Variants in SUGCT observed in about 807,000 individuals in gnomAD.
The protein encoded by SUGCT is succinyl-CoA:glutarate CoA-transferase.
SUGCT carries 41 observed loss-of-function variants against 55.0 expected under a neutral mutation model. The ratio of observed to expected loss-of-function variants is 0.74; its 90% CI spans 0.58 to 0.97. The LOEUF (loss-of-function observed/expected upper bound fraction) is 0.97. SUGCT is among the 50% of genes least tolerant of loss of function. SUGCT has a pLI of 0.00. For synonymous variants in SUGCT, 187 were observed against 200.4 expected (o/e 0.93, Z 0.56); for missense variants, 568 against 547.8 (o/e 1.04, Z -0.37).
At chr7:40,306,383 G>A (rs1159515443) in intron 8 of SUGCT, among the ~76,000 whole-genome samples, 1 of 152,062 alleles carries the variant, frequency 6.6e-6, no homozygotes, top group East Asian at 1.9e-4. Context: ...GTCTCTTGTA[G>A]CATTGATCAT....
intron 12 of SUGCT, among the ~76,000 whole-genome samples, chr7:40,679,737 C>T (rs1465341944): frequency 6.6e-6 from 1 of 152,108 alleles, no homozygotes; most frequent in East Asian, 1.9e-4. Context: ...AGTCCTGAGT[C>T]CAAGGCTAAA....
chr7:40,356,533 C>A (rs1797894846), intron 9 of SUGCT, among the ~76,000 whole-genome samples: 1 of 152,324 alleles, frequency 6.6e-6, no homozygotes, highest in South Asian at 2.1e-4. Flanking sequence ...CTAGGACTAA[C>A]TGGCTAAGCC....
intron 12 of SUGCT, among the ~76,000 whole-genome samples, chr7:40,516,024 CTTCTT>C (rs1293259963): frequency 1.3e-5 from 2 of 151,424 alleles, no homozygotes; most frequent in Non-Finnish European, 2.9e-5. Flanking sequence ...TTTCTTCTTT[CTTCTT>C]TTCATTTCTT....
At chr7:40,943,646 AT>A in the SUGCT span, among the ~76,000 whole-genome samples, 1 of 150,228 alleles carries the variant, frequency 6.7e-6, no homozygotes, top group African/African-American at 2.5e-5. Flanking sequence ...TTCATGGTGT[AT>A]ATGTGCCACA....
chr7:40,241,364 A>C (rs1319735505), intron 7 of SUGCT, among the ~76,000 whole-genome samples: 3 of 151,354 alleles, frequency 2.0e-5, no homozygotes, highest in Non-Finnish European at 4.4e-5. Flanking sequence ...GGATCACTTA[A>C]GGTCAGGAGT....
chr7:40,429,091 G>A (rs1250207161), intron 9 of SUGCT, among the ~76,000 whole-genome samples: 6 of 150,218 alleles, frequency 4.0e-5, no homozygotes, highest in Non-Finnish European at 7.4e-5. Context: ...AGTGAAGCAA[G>A]TTAACATATC....
At chr7:40,719,152 ACC>A (rs1369473563) in intron 12 of SUGCT, among the ~76,000 whole-genome samples, 1 of 152,066 alleles carries the variant, frequency 6.6e-6, no homozygotes, top group African/African-American at 2.4e-5. Context: ...TTTCTATGAA[ACC>A]CCTTTGATCC....
chr7:40,694,370 C>G (rs1784830555), intron 12 of SUGCT, among the ~76,000 whole-genome samples: 1 of 152,250 alleles, frequency 6.6e-6, no homozygotes, highest in South Asian at 2.1e-4. Flanking sequence ...CCAGCTATAG[C>G]TCTGGGCTGC....
the SUGCT span, among the ~76,000 whole-genome samples, chr7:41,033,562 A>T: frequency 4.6e-5 from 7 of 152,196 alleles, no homozygotes; most frequent in African/African-American, 1.7e-4. Flanking sequence ...TGGCTCTAGG[A>T]GGTCAAATAA....
intron 12 of SUGCT, among the ~76,000 whole-genome samples, chr7:40,648,024 G>A (rs1027652609): frequency 6.6e-6 from 1 of 152,096 alleles, no homozygotes; most frequent in African/African-American, 2.4e-5. Context: ...ACTATCAGAA[G>A]ATGGGTATAA....
intron 6 of SUGCT, among the ~76,000 whole-genome samples, chr7:40,228,232 A>G (rs1219324050): frequency 5.3e-5 from 8 of 152,100 alleles, no homozygotes; most frequent in Admixed American, 5.2e-4. Context: ...TTAAATATAC[A>G]GTTGTTTTTC....
chr7:40,526,604 A>G (rs1793811770), intron 12 of SUGCT, among the ~76,000 whole-genome samples: 2 of 152,122 alleles, frequency 1.3e-5, no homozygotes, highest in South Asian at 4.1e-4. Context: ...AAACGTTGAG[A>G]ACCAGTGGTT....
chr7:40,519,666 A>C (rs1273329301), intron 12 of SUGCT, among the ~76,000 whole-genome samples: 1 of 152,050 alleles, frequency 6.6e-6, no homozygotes, highest in Non-Finnish European at 1.5e-5. Context: ...AAAGTATAAT[A>C]AACATTTTAA....
At chr7:40,573,090 C>T (rs1171820854) in intron 12 of SUGCT, among the ~76,000 whole-genome samples, 1 of 152,196 alleles carries the variant, frequency 6.6e-6, no homozygotes, top group African/African-American at 2.4e-5. Context: ...AAACTGCTTA[C>T]TCAGCCTTTC....
At chr7:40,842,233 T>C (rs564873914) in intron 13 of SUGCT, among the ~76,000 whole-genome samples, 1 of 152,070 alleles carries the variant, frequency 6.6e-6, no homozygotes, top group South Asian at 2.1e-4. Flanking sequence ...ACAAAATAAG[T>C]TTATTGTACA....
At chr7:40,464,058 A>G (rs1228208600) in intron 11 of SUGCT, among the ~76,000 whole-genome samples, 1 of 152,220 alleles carries the variant, frequency 6.6e-6, no homozygotes, top group African/African-American at 2.4e-5. Flanking sequence ...TGAAACTAGG[A>G]AGAGAGGGAT....
the SUGCT span, among the ~76,000 whole-genome samples, chr7:40,910,509 T>C: frequency 6.6e-6 from 1 of 152,178 alleles, no homozygotes; most frequent in African/African-American, 2.4e-5. Context: ...CAAAGTGTGC[T>C]GCAGTGCAAA....
chr7:40,371,826 A>G (rs1784307678), intron 9 of SUGCT, among the ~76,000 whole-genome samples: 1 of 152,078 alleles, frequency 6.6e-6, no homozygotes, highest in Non-Finnish European at 1.5e-5. Flanking sequence ...TAGGAAGAAG[A>G]GAATCTTCTG....
At chr7:40,474,431 A>G (rs1389826591) in intron 11 of SUGCT, among the ~76,000 whole-genome samples, 1 of 152,152 alleles carries the variant, frequency 6.6e-6, no homozygotes. Context: ...ATGTAACCAG[A>G]GGGTGTGGAT....
Sources: gnomAD v4.1 joint callset for allele counts (sites outside exome capture counted in the v4.1 genomes callset) on GRCh38, gnomAD v4.1.1 for gene constraint, MANE v1.5 for transcripts, NCBI Gene and HGNC (gene_info 2026-07-23, HGNC 2026-07-21) for gene names.